VRTN: variants seen among roughly 807,000 people sequenced by gnomAD.
VRTN encodes vertnin.
VRTN carries 5 observed loss-of-function variants against 18.2 expected under a neutral mutation model. The ratio of observed to expected loss-of-function variants is 0.27; its 90% confidence interval spans 0.14 to 0.58. VRTN has a LOEUF of 0.58. VRTN is among the 20% of genes least tolerant of loss of function. VRTN has a pLI of 0.91. For missense variants in VRTN, 741 were observed against 939.4 expected (o/e 0.79, Z 2.76); for synonymous variants, 381 against 393.7 (o/e 0.97, Z 0.38).
chr14:74,328,201 GGAAGAC>G (rs1200980722), intron 1 of VRTN, among the ~76,000 whole-genome samples: 1 of 152,118 alleles, frequency 6.6e-6, no homozygotes, highest in African/African-American at 2.4e-5. Flanking sequence ...GGGTGAGGAC[GGAAGAC>G]CCTGTGCCCT....
intron 1 of VRTN, among the ~76,000 whole-genome samples, chr14:74,349,278 T>TG (rs11396958): frequency 1 from 152,302 of 152,306 alleles, 76,149 homozygotes; most frequent in Non-Finnish European, 1. Flanking sequence ...CTTGCCCAGC[T>TG]GGCCTCCAGG....
At chr14:74,328,907 G>A (rs192469070) in intron 1 of VRTN, among the ~76,000 whole-genome samples, 202 of 152,300 alleles carry the variant, frequency 1.3e-3, no homozygotes, top group African/African-American at 4.6e-3. Flanking sequence ...GGCTGAAGTG[G>A]GCGGATCACC....
intron 1 of VRTN, among the ~76,000 whole-genome samples, chr14:74,334,326 C>T (rs1197755785): frequency 1.3e-5 from 2 of 151,904 alleles, no homozygotes; most frequent in Non-Finnish European, 2.9e-5. Flanking sequence ...CTCATGAGTT[C>T]GAGACCAGCC....
rs71115984 is a variant in VRTN at position 74,340,110 on chromosome 14, ATT to A, written c.-2+2244_-2+2245del. Among the ~76,000 whole-genome samples, 473 of 113,172 alleles carry A rather than the reference ATT, an allele frequency of 4.2e-3. 3 individuals are homozygous for A. Among genetic ancestry groups the A allele is most frequent in the African/African-American group, 0.014 (403 of 28,814 alleles). 74.2% of individuals were successfully genotyped at this position (113,172 alleles called of 152,430 possible). ...GCCACCACACTCAGCTAATGTTTGT[ATT>A]TTTTTTTTTTTTTTTTTGAGACGGA... On this transcript the variant is annotated intron_variant, in intron 2 of 2. Coordinates refer to the VRTN transcript ENST00000557177.
chr14:74,317,815 A>C (rs1207729942), intron 1 of VRTN, among the ~76,000 whole-genome samples: 1 of 151,986 alleles, frequency 6.6e-6, no homozygotes, highest in African/African-American at 2.4e-5. Context: ...AGAAAAACAA[A>C]AAAACAAAAA....
chr14:74,358,474 C>T lies in VRTN; in HGVS notation c.1691C>T (p.Thr564Ile), dbSNP rs762160922. Residue 564 changes from threonine (T) to isoleucine (I), a missense_variant, in exon 2 of 2, where the codon ACC becomes ATC. Thr to Ile is a moderately conservative substitution (Grantham distance 89). Transcript: ENST00000256362. This position sits in a 1 kb window ranked among gnomAD's most constrained non-coding sequence, Gnocchi z 5.4. The part of the protein sequence containing the change: ...GLSKLQVPVP[T>I]LGKGGQEAEE... ...TCCAAACTTCAGGTGCCGGTCCCCA[C>T]CTTGGGCAAAGGGGGGCAGGAGGCT... The T allele has an allele frequency of 1.2e-6, 2 of 1,614,136 alleles. No individual in the cohort carries two copies. The highest frequency in any genetic ancestry group is 8.5e-7 in the Non-Finnish European group (1 of 1,180,022).
Position 74,357,873 on chromosome 14 carries a change from C to G in VRTN, c.1090C>G (p.Pro364Ala). 6.2e-7 allele frequency: 1 copy of G among 1,613,790 alleles called. No homozygotes were observed. Among genetic ancestry groups the G allele is most frequent in the Non-Finnish European group, 8.5e-7 (1 of 1,180,000 alleles). The change falls in exon 2 of 2, where the codon CCC (proline) becomes GCC (alanine). Residue 364 changes from proline (P) to alanine (A), a missense_variant. By Grantham distance (27) the Pro-to-Ala change is conservative. Transcript: ENST00000256362. This position sits in a 1 kb window ranked among gnomAD's most constrained non-coding sequence, Gnocchi z 7.8. Reference protein sequence around the residue: ...LLGSGTCPALPPREVLGMEEL... With the variant: ...LLGSGTCPALAPREVLGMEEL... ...GGGCTCTGGCACCTGCCCGGCCTTG[C>G]CCCCCAGGGAGGTGCTGGGCATGGA...
rs1408984945 is a variant in VRTN, at chr14:74,329,144, G to A, written c.-163-8579G>A. The stretch of plus-strand genomic sequence containing the variant: ...TACAAAATTAGCTGGGCATGGTGGC[G>A]CATGCCTGTAATCCCAGCTACTCAG... On this transcript the variant is annotated intron_variant, in intron 1 of 2. Coordinates refer to the VRTN transcript ENST00000557177. Among the ~76,000 whole-genome samples, 4 of 151,800 alleles carry A rather than the reference G, an allele frequency of 2.6e-5. No homozygotes were observed. In the East Asian group the frequency reaches 5.8e-4, roughly 22 times the overall value.
At chr14:74,344,733 T>TAAAAAAAAAAA (rs60479764), upstream of VRTN, among the ~76,000 whole-genome samples, 6 of 54,052 alleles carry the variant, frequency 1.1e-4, no homozygotes, top group African/African-American at 2.5e-4. Flanking sequence ...AGACTCTGAC[T>TAAAAAAAAAAA]AAAAAAAAAA....
At chr14:74,329,222 C>T (rs1227277802) in intron 1 of VRTN, among the ~76,000 whole-genome samples, 3 of 151,608 alleles carry the variant, frequency 2.0e-5, no homozygotes, top group Non-Finnish European at 2.9e-5. Context: ...TTGCAGTGAG[C>T]CAAGATCATG....
At chr14:74,339,166 A>G (rs2085584387) in intron 2 of VRTN, among the ~76,000 whole-genome samples, 1 of 152,102 alleles carries the variant, frequency 6.6e-6, no homozygotes, top group Admixed American at 6.6e-5. Flanking sequence ...TTGTAATTTG[A>G]ATTGACAATC....
At chr14:74,336,809 A>G (rs768829849) in intron 1 of VRTN, among the ~76,000 whole-genome samples, 8 of 151,878 alleles carry the variant, frequency 5.3e-5, no homozygotes, top group Non-Finnish European at 1.0e-4. Flanking sequence ...TTTTTTCGCT[A>G]TTTTCCTCTA....
At chr14:74,330,858 C>T (rs142192243) in intron 1 of VRTN, among the ~76,000 whole-genome samples, 24 of 151,994 alleles carry the variant, frequency 1.6e-4, no homozygotes, top group African/African-American at 4.8e-4. Flanking sequence ...TGCCTCATTC[C>T]GAAGGGCAAG....
In VRTN at chr14:74,358,329, C is replaced by A; in HGVS notation, c.1546C>A (p.Arg516Ser). Residue 516 changes from arginine to serine, a missense_variant, in exon 2 of 2, where the codon CGC (arginine) becomes AGC (serine). Physicochemically the swap from Arg to Ser is moderately radical, Grantham distance 110. This residue lies in a region of VRTN where 494 missense variants were observed against 546.5 expected (regional missense o/e 0.90). Coordinates refer to ENST00000256362, the MANE Select transcript of VRTN (RefSeq NM_018228.3). The surrounding 1 kb of genome is among the most constrained non-coding windows in gnomAD (Gnocchi z 5.4). ...RWQRRLRRAA[R>S]RQVLSGHLPF... ...GCAGAGGCGTCTGCGCAGGGCTGCC[C>A]GCAGGCAGGTGCTGAGTGGGCATCT... 1 of 1,613,084 alleles carries A rather than the reference C, an allele frequency of 6.2e-7. No homozygotes were observed. The highest frequency in any genetic ancestry group is 1.1e-5 in the South Asian group (1 of 91,032).
At chr14:74,310,602 A>T (rs1595161607) in intron 1 of VRTN, among the ~76,000 whole-genome samples, 1 of 148,846 alleles carries the variant, frequency 6.7e-6, no homozygotes, top group Non-Finnish European at 1.5e-5. Flanking sequence ...CAGTGGCACA[A>T]TCCCGGCTCA....
upstream of VRTN, among the ~76,000 whole-genome samples, chr14:74,345,687 G>T (rs1203472386): frequency 6.6e-6 from 1 of 151,962 alleles, no homozygotes; most frequent in Admixed American, 6.6e-5. Flanking sequence ...ACTTTGGGAG[G>T]CCAAAGTGGG....
chr14:74,305,242 G>A (rs2085338802), intron 1 of VRTN, among the ~76,000 whole-genome samples: 2 of 150,998 alleles, frequency 1.3e-5, no homozygotes, highest in Admixed American at 1.3e-4. Context: ...TGAGGCAGGA[G>A]AATTACTTGA....
intron 1 of VRTN, among the ~76,000 whole-genome samples, chr14:74,327,502 C>T (rs769083923): frequency 6.6e-6 from 1 of 152,130 alleles, no homozygotes; most frequent in Non-Finnish European, 1.5e-5. Flanking sequence ...CCCAGGCAGC[C>T]TCCTAAAGTC....
In VRTN at chr14:74,359,520, GAAAAA is replaced by G. The variant is rs924575113; in HGVS notation, c.*635_*639del. Reference sequence around the variant, plus strand: ...CAATGTAGTGAGACCTCATCTCTTAGAAAAAAAAAAAGAAAGAAAATCAAATGTAG... The same window carrying G: ...CAATGTAGTGAGACCTCATCTCTTAGAAAAAAGAAAGAAAATCAAATGTAG... On this transcript the variant is annotated 3_prime_UTR_variant, in exon 2 of 2. Coordinates refer to ENST00000256362, the MANE Select transcript of VRTN (RefSeq NM_018228.3). 1 of 152,764 alleles carries G rather than the reference GAAAAA, an allele frequency of 6.5e-6. No homozygotes were observed. 9.5% of individuals were successfully genotyped at this position (152,764 alleles called of 1,614,324 possible). A position where few individuals can be genotyped will look rare whatever the true frequency, so the allele number is the denominator to read the frequency against.
Sources: gnomAD v4.1 joint callset for allele counts (sites outside exome capture counted in the v4.1 genomes callset) on GRCh38, gnomAD v4.1.1 for gene constraint, gnomAD v4.1.1 regional missense constraint, Gnocchi (gnomAD v3.1) non-coding constraint, MANE v1.5 for transcripts, NCBI Gene and HGNC (gene_info 2026-07-23, HGNC 2026-07-21) for gene names.